TSPAN9: variants seen among roughly 807,000 people sequenced by gnomAD.
The protein encoded by TSPAN9 is tetraspanin-9.
Under a neutral mutation model 31.0 loss-of-function variants are expected in TSPAN9, and 16 were observed. The observed-to-expected ratio is 0.52, with a 90% CI of 0.35 to 0.78. TSPAN9 has a LOEUF of 0.78. TSPAN9 is among the 30% of genes least tolerant of loss of function. The pLI, the probability that TSPAN9 is intolerant of heterozygous loss-of-function variation, is 0.01. For synonymous variants in TSPAN9, 145 were observed against 121.6 expected (o/e 1.19, Z -1.27); for missense variants, 272 against 312.5 (o/e 0.87, Z 0.98).
intron 3 of TSPAN9, among the ~76,000 whole-genome samples, chr12:3,270,547 G>A (rs1445207779): frequency 6.6e-6 from 1 of 152,222 alleles, no homozygotes; most frequent in Non-Finnish European, 1.5e-5. Context: ...CCCCAGGCAG[G>A]GCAGGTGCCC....
rs1334160579 is a variant in TSPAN9, at chr12:3,118,261, T to TTG, written c.-18+34543_-18+34544insGT. 5.4e-4 allele frequency among the ~76,000 whole-genome samples: 29 copies of TTG among 54,150 alleles called. 3 individuals are homozygous for TTG. The highest frequency in any genetic ancestry group is 7.4e-4 in the Admixed American group (4 of 5,376). 35.5% of individuals were successfully genotyped at this position (54,150 alleles called of 152,430 possible). A position where few individuals can be genotyped will look rare whatever the true frequency, so the allele number is the denominator to read the frequency against. On this transcript the variant is annotated intron_variant, in intron 2 of 8. Coordinates refer to ENST00000011898, the MANE Select transcript of TSPAN9 (RefSeq NM_006675.5). ...GCACCGCCCCTGCACCCGCCGTTTT[T>TTG]TTTTTTTTTTTTTTTTTTTGAGATG...
chr12:3,085,842 G>A (rs976568261), intron 2 of TSPAN9, among the ~76,000 whole-genome samples: 4 of 152,176 alleles, frequency 2.6e-5, no homozygotes, highest in African/African-American at 9.7e-5. Flanking sequence ...GGAGGTGGAT[G>A]GAGGAGGAAA....
intron 3 of TSPAN9, among the ~76,000 whole-genome samples, chr12:3,271,076 T>C (rs1862668386): frequency 1.3e-5 from 2 of 152,276 alleles, no homozygotes. Flanking sequence ...GTTGTAGATA[T>C]GCAAATGCTT....
At chr12:3,245,542 C>T (rs1232107853) in intron 3 of TSPAN9, among the ~76,000 whole-genome samples, 1 of 152,228 alleles carries the variant, frequency 6.6e-6, no homozygotes, top group Non-Finnish European at 1.5e-5. Context: ...GGAACATCTC[C>T]TTGGGCCTGG....
intron 2 of TSPAN9, among the ~76,000 whole-genome samples, chr12:3,161,514 C>T (rs1052257860): frequency 4.6e-5 from 7 of 152,170 alleles, no homozygotes; most frequent in Non-Finnish European, 7.3e-5. Context: ...TAAAGGACAC[C>T]TGGAGCCCTT....
chr12:3,132,651 C>T (rs571047683), intron 2 of TSPAN9, among the ~76,000 whole-genome samples: 3 of 152,216 alleles, frequency 2.0e-5, no homozygotes. Flanking sequence ...AACACCAGGC[C>T]CCAGGGCAGG....
rs114574854 is a variant in TSPAN9, at chr12:3,266,360, A to G, written c.64-12061A>G. Among the ~76,000 whole-genome samples, 363 of 152,318 alleles carry G rather than the reference A, an allele frequency of 2.4e-3. 1 individual carries two copies. Among genetic ancestry groups the G allele is most frequent in the African/African-American group, 8.2e-3 (340 of 41,570 alleles). ...GATGCCACTGGGTTGGGAGAATTAA[A>G]TGAGGCTATAGAGGCAAAGCACTCA... On this transcript the variant is annotated intron_variant, in intron 3 of 8. Coordinates refer to ENST00000011898, the MANE Select transcript of TSPAN9 (RefSeq NM_006675.5).
intron 2 of TSPAN9, among the ~76,000 whole-genome samples, chr12:3,161,258 AT>A (rs2098345019): frequency 6.6e-6 from 1 of 152,184 alleles, no homozygotes; most frequent in Non-Finnish European, 1.5e-5. Context: ...CTGAAGTCCA[AT>A]TTATCTAATT....
chr12:3,179,099 G>C (rs909019755), intron 2 of TSPAN9, among the ~76,000 whole-genome samples: 1 of 152,174 alleles, frequency 6.6e-6, no homozygotes, highest in Non-Finnish European at 1.5e-5. Flanking sequence ...CATTAGACAG[G>C]AACTATCAGG....
chr12:3,276,240 C>T (rs1050612523), intron 3 of TSPAN9, among the ~76,000 whole-genome samples: 1 of 152,250 alleles, frequency 6.6e-6, no homozygotes, highest in Non-Finnish European at 1.5e-5. Flanking sequence ...GGCCCTCCCG[C>T]GGTCGCTTCT....
At chr12:3,085,039 T>C (rs2098299740) in intron 2 of TSPAN9, among the ~76,000 whole-genome samples, 2 of 152,176 alleles carry the variant, frequency 1.3e-5, no homozygotes, top group African/African-American at 4.8e-5. Context: ...GATGGTGCAG[T>C]GCCGCTAGGC....
At chr12:3,096,010 C>G (rs887323659) in intron 2 of TSPAN9, among the ~76,000 whole-genome samples, 7 of 148,548 alleles carry the variant, frequency 4.7e-5, no homozygotes, top group Admixed American at 2.0e-4. Flanking sequence ...TCGGGCCCCG[C>G]GGGGCCTGTC....
At chr12:3,077,928 C>T (rs915094341) in intron 1 of TSPAN9, among the ~76,000 whole-genome samples, 7 of 152,170 alleles carry the variant, frequency 4.6e-5, no homozygotes, top group Non-Finnish European at 8.8e-5. Context: ...ATCAGCACTC[C>T]GAGTGACAGG....
chr12:3,184,170 G>A (rs776778383), intron 2 of TSPAN9, among the ~76,000 whole-genome samples: 16 of 152,068 alleles, frequency 1.1e-4, no homozygotes, highest in Admixed American at 2.6e-4. Flanking sequence ...TGGGCAGCTC[G>A]CTTGAGTTCA....
intron 2 of TSPAN9, among the ~76,000 whole-genome samples, chr12:3,191,358 C>A (rs753110314): frequency 6.2e-4 from 95 of 152,314 alleles, no homozygotes; most frequent in Non-Finnish European, 1.3e-3. Context: ...CCTGGGCCCT[C>A]TGCTGTGCCC....
chr12:3,262,443 G>T (rs1591712107), intron 3 of TSPAN9, among the ~76,000 whole-genome samples: 1 of 151,518 alleles, frequency 6.6e-6, no homozygotes, highest in East Asian at 2.0e-4. Context: ...ATGAAAATGT[G>T]TAGTAATCGT....
In TSPAN9 at chr12:3,168,354, G is replaced by A. The variant is rs1344880726; in HGVS notation, c.-17-32823G>A. Among the ~76,000 whole-genome samples the A allele has an allele frequency of 6.6e-6, 1 of 152,156 alleles. No homozygotes were observed. The highest frequency in any genetic ancestry group is 2.1e-4 in the South Asian group (1 of 4,830). ...TTCCTTCAATTCAAGACCCAGAGGG[G>A]AGCCAAAATCTGTGCCTTCGCAATA... On this transcript the variant is annotated intron_variant, in intron 2 of 8. Coordinates refer to ENST00000011898, the MANE Select transcript of TSPAN9 (RefSeq NM_006675.5). The surrounding 1 kb of genome is among the most constrained non-coding windows in gnomAD (Gnocchi z 4.0).
chr12:3,162,167 T>C (rs59690907), intron 2 of TSPAN9, among the ~76,000 whole-genome samples: 4,337 of 152,286 alleles, frequency 0.028, 214 homozygotes, highest in African/African-American at 0.099. Flanking sequence ...CTCCCCCCAC[T>C]GTCTTGCTTC....
At chr12:3,190,344 C>T (rs560412659) in intron 2 of TSPAN9, among the ~76,000 whole-genome samples, 17 of 152,252 alleles carry the variant, frequency 1.1e-4, no homozygotes, top group Non-Finnish European at 2.2e-4. Flanking sequence ...ATCACACTTC[C>T]GTGTGCCCGG....
Sources: allele counts gnomAD v4.1 joint callset (sites outside exome capture counted in the v4.1 genomes callset), GRCh38; gene constraint gnomAD v4.1.1; non-coding constraint Gnocchi (gnomAD v3.1); transcripts MANE v1.5; gene names NCBI Gene and HGNC (gene_info 2026-07-23, HGNC 2026-07-21).